OSBPL2: variants seen among roughly 807,000 people sequenced by gnomAD.
OSBPL2 encodes the protein oxysterol-binding protein-related protein 2.
OSBPL2 carries 18 observed loss-of-function variants against 58.4 expected under a neutral mutation model. The ratio of observed to expected loss-of-function variants is 0.31; its 90% CI spans 0.21 to 0.46. The LOEUF (loss-of-function observed/expected upper bound fraction) is 0.46. OSBPL2 is among the 20% of genes least tolerant of loss of function. OSBPL2 has a pLI of 1.00. For missense variants in OSBPL2, 461 were observed against 616.5 expected (o/e 0.75, Z 2.67); for synonymous variants, 221 against 234.1 (o/e 0.94, Z 0.51).
intron 12 of OSBPL2, chr20:62,291,342 C>A (rs1452598461): frequency 8.3e-6 from 3 of 361,690 alleles, no homozygotes; most frequent in Non-Finnish European, 5.4e-6. Context: ...CTGAGTTGCA[C>A]AGGTGGGGCT....
At chr20:62,268,833 G>A (rs560010587) in intron 4 of OSBPL2, among the ~76,000 whole-genome samples, 2 of 152,228 alleles carry the variant, frequency 1.3e-5, no homozygotes, top group South Asian at 4.2e-4. Flanking sequence ...TGAGGCAGGC[G>A]GATCACGAAG....
intron 1 of OSBPL2, chr20:62,255,220 A>G (rs966636484): frequency 6.6e-6 from 1 of 150,652 alleles, no homozygotes; most frequent in Admixed American, 6.7e-5. Context: ...GCCTCAGCCT[A>G]CTGAGTAGCT....
intron 1 of OSBPL2, among the ~76,000 whole-genome samples, chr20:62,243,285 G>T (rs896211509): frequency 1.3e-5 from 2 of 152,154 alleles, no homozygotes. Flanking sequence ...TGGGAGTCTC[G>T]CTGTAATCAT....
intron 1 of OSBPL2, among the ~76,000 whole-genome samples, chr20:62,251,926 G>A (rs2145922242): frequency 8.9e-6 from 1 of 112,016 alleles, no homozygotes; most frequent in African/African-American, 3.5e-5. Flanking sequence ...CTGTCACTCA[G>A]GCTAGAGTGC....
At chr20:62,265,773 C>T (rs889270100) in intron 4 of OSBPL2, among the ~76,000 whole-genome samples, 7 of 151,994 alleles carry the variant, frequency 4.6e-5, no homozygotes, top group Admixed American at 2.0e-4. Context: ...AAATATCTGT[C>T]TTGGTATAGA....
At chr20:62,265,797 T>C (rs1461263704) in intron 4 of OSBPL2, among the ~76,000 whole-genome samples, 1 of 152,216 alleles carries the variant, frequency 6.6e-6, no homozygotes, top group African/African-American at 2.4e-5. Context: ...GGAATGTCTT[T>C]TGTGAACTTG....
intron 4 of OSBPL2, among the ~76,000 whole-genome samples, chr20:62,265,165 T>A (rs1981584935): frequency 6.6e-6 from 1 of 152,180 alleles, no homozygotes; most frequent in East Asian, 1.9e-4. Context: ...TCCATTCTCG[T>A]TCGTTCTTCT....
intron 4 of OSBPL2, chr20:62,264,545 T>C (rs1254779757): frequency 6.6e-6 from 1 of 152,180 alleles, no homozygotes; most frequent in Non-Finnish European, 1.5e-5. Context: ...TGCTGGTGAT[T>C]TTTTGCCCTT....
In OSBPL2 at chr20:62,273,291, C is replaced by T. The variant is rs771732230; in HGVS notation, c.394-18C>T. ...CCTAACTGAAGCTGTGCCTGTCCCC[C>T]CCGTGGATTATTTACAGTCTGTGGC... is the stretch of plus-strand genomic sequence containing the variant. On this transcript the variant is annotated intron_variant, in intron 5 of 13. Coordinates refer to ENST00000313733, the MANE Select transcript of OSBPL2 (RefSeq NM_144498.4). The T allele has an allele frequency of 5.3e-5, 85 of 1,601,708 alleles. No individual in the cohort carries two copies. The South Asian group carries it at 7.5e-4, about 14-fold the overall frequency.
At chr20:62,268,752 A>G (rs1256247241) in intron 4 of OSBPL2, among the ~76,000 whole-genome samples, 2 of 152,126 alleles carry the variant, frequency 1.3e-5, no homozygotes, top group African/African-American at 4.8e-5. Context: ...GGAACCCACC[A>G]CCATGCCCAG....
At chr20:62,242,372 C>A (rs1979790061) in intron 1 of OSBPL2, 1 of 152,258 alleles carries the variant, frequency 6.6e-6, no homozygotes, top group African/African-American at 2.4e-5. Flanking sequence ...CATCCACATT[C>A]TTTCCGCTGG....
intron 1 of OSBPL2, among the ~76,000 whole-genome samples, chr20:62,251,849 A>G (rs1233513127): frequency 2.4e-5 from 2 of 82,162 alleles, no homozygotes; most frequent in Non-Finnish European, 5.0e-5. Flanking sequence ...TTCAAGCGTC[A>G]TTTTAATTGG....
chr20:62,270,176 G>C (rs970022533), intron 4 of OSBPL2, among the ~76,000 whole-genome samples: 1 of 152,192 alleles, frequency 6.6e-6, no homozygotes, highest in Non-Finnish European at 1.5e-5. Flanking sequence ...GCCTTGGTGG[G>C]GCCGTCCTAG....
chr20:62,264,252 G>A (rs572309808), intron 4 of OSBPL2, among the ~76,000 whole-genome samples: 37 of 152,280 alleles, frequency 2.4e-4, no homozygotes, highest in Admixed American at 5.9e-4. Context: ...TGGGGCTTCC[G>A]TGGCACCCTC....
intron 1 of OSBPL2, among the ~76,000 whole-genome samples, 151 bp from the exon 2 acceptor site, chr20:62,255,906 T>C (rs1980891662): frequency 6.6e-6 from 1 of 152,260 alleles, no homozygotes; most frequent in Non-Finnish European, 1.5e-5. Context: ...GTTTACTTTT[T>C]GAAATTATGT....
At position 62,272,264 on chromosome 20, in the gene OSBPL2, G is replaced by T; in HGVS notation, c.393+5G>T. The T allele has an allele frequency of 1.2e-6, 2 of 1,612,516 alleles. No individual in the cohort carries two copies. The highest frequency in any genetic ancestry group is 8.5e-7 in the Non-Finnish European group (1 of 1,179,596). On this transcript the variant is annotated splice_donor_5th_base_variant and intron_variant, in intron 5 of 13. Transcript: ENST00000313733. ...CAGCCCCTGGAGAGGATGCAGGTGG[G>T]CCTTAGGGGTGCCAGGCAGGAGTTT...
intron 3 of OSBPL2, among the ~76,000 whole-genome samples, chr20:62,262,833 G>A (rs1320697573): frequency 6.6e-6 from 1 of 152,186 alleles, no homozygotes; most frequent in Non-Finnish European, 1.5e-5. Context: ...CAGCAGGAGA[G>A]CCCTGGGGTG....
chr20:62,271,749 G>A, intron 4 of OSBPL2: 1 of 213,528 alleles, frequency 4.7e-6, no homozygotes, highest in Non-Finnish European at 9.3e-6. Flanking sequence ...ACCGTGCCCA[G>A]CCTGGGACCA....
At chr20:62,259,558 C>G (rs1166732197) in intron 2 of OSBPL2, among the ~76,000 whole-genome samples, 1 of 152,164 alleles carries the variant, frequency 6.6e-6, no homozygotes, top group Non-Finnish European at 1.5e-5. Context: ...TGTTTCAGAC[C>G]AAGACGCAGA....
Sources: allele counts gnomAD v4.1 joint callset (sites outside exome capture counted in the v4.1 genomes callset), GRCh38; gene constraint gnomAD v4.1.1; transcripts MANE v1.5; gene names NCBI Gene and HGNC (gene_info 2026-07-23, HGNC 2026-07-21).